UBE2E2: variants seen among roughly 807,000 people sequenced by gnomAD.
UBE2E2 encodes the protein ubiquitin conjugating enzyme E2 E2, also known as ubiquitin-conjugating enzyme E2 E2.
Under a neutral mutation model 24.7 loss-of-function variants are expected in UBE2E2, and 6 were observed. The observed-to-expected ratio is 0.24, with a 90% CI of 0.13 to 0.48. The LOEUF is 0.48. Among genes scored for constraint, UBE2E2 ranks in the 20% least tolerant of loss-of-function variants. The probability of loss-of-function intolerance (pLI) is 0.99; values close to 1 mark genes in which losing one functional copy is unlikely to be tolerated. For missense variants in UBE2E2, 169 were observed against 245.0 expected (o/e 0.69, Z 2.07); for synonymous variants, 104 against 83.6 (o/e 1.24, Z -1.33).
chr3:23,536,309 C>G (rs78830134), intron 5 of UBE2E2, among the ~76,000 whole-genome samples: 4,460 of 152,226 alleles, frequency 0.029, 231 homozygotes, highest in African/African-American at 0.1. Context: ...ATTAGAAGAT[C>G]AACAGTTTTC....
chr3:23,575,421 G>A (rs949437341), intron 5 of UBE2E2, among the ~76,000 whole-genome samples: 2 of 152,108 alleles, frequency 1.3e-5, no homozygotes, highest in African/African-American at 4.8e-5. Flanking sequence ...CGAGTACTGA[G>A]GCCAAAGCTT....
intron 3 of UBE2E2, among the ~76,000 whole-genome samples, chr3:23,256,589 G>T (rs532210744): frequency 6.6e-6 from 1 of 152,184 alleles, no homozygotes; most frequent in Admixed American, 6.5e-5. Context: ...TGAGGTTATG[G>T]TTAATTTCTT....
chr3:23,315,387 T>C (rs1694545113), intron 3 of UBE2E2, among the ~76,000 whole-genome samples: 1 of 152,130 alleles, frequency 6.6e-6, no homozygotes, highest in African/African-American at 2.4e-5. Context: ...TTGCTTTTGC[T>C]TGATGAATTC....
At position 23,490,265 on chromosome 3, in the gene UBE2E2, A is replaced by C. The variant is rs191343137; in HGVS notation, c.228-9343A>C. On this transcript the variant is annotated intron_variant, in intron 3 of 5. Transcript: ENST00000396703. ...ACATGTTGAACATCTGAAATTTGAA[A>C]ATTTTAAATCTGAAAAACTTCTGGT... Among the ~76,000 whole-genome samples the C allele has an allele frequency of 2.7e-4, 41 of 152,302 alleles. 1 individual carries two copies. In the East Asian group the frequency reaches 7.3e-3, roughly 27 times the overall value.
chr3:23,214,524 T>C (rs1696421077), intron 2 of UBE2E2, among the ~76,000 whole-genome samples: 1 of 152,044 alleles, frequency 6.6e-6, no homozygotes, highest in Non-Finnish European at 1.5e-5. Flanking sequence ...GCTCAGGGAT[T>C]ACAGCCATAG....
chr3:23,247,909 C>T (rs1559455054), intron 3 of UBE2E2, among the ~76,000 whole-genome samples: 1 of 152,168 alleles, frequency 6.6e-6, no homozygotes, highest in Non-Finnish European at 1.5e-5. Context: ...GATAGCAACT[C>T]TAAAGACTGA....
At chr3:23,485,927 T>C (rs1265274981) in intron 3 of UBE2E2, among the ~76,000 whole-genome samples, 2 of 152,194 alleles carry the variant, frequency 1.3e-5, no homozygotes, top group African/African-American at 4.8e-5. Context: ...AGGTGAGCCC[T>C]ACTAGTTTCT....
intron 3 of UBE2E2, among the ~76,000 whole-genome samples, chr3:23,452,610 C>G (rs1698590490): frequency 6.6e-6 from 1 of 152,082 alleles, no homozygotes; most frequent in Admixed American, 6.6e-5. Flanking sequence ...TAGTTATAAT[C>G]TTTATTAGGC....
intron 3 of UBE2E2, among the ~76,000 whole-genome samples, chr3:23,270,141 C>A (rs931185670): frequency 7.7e-6 from 1 of 130,456 alleles, no homozygotes; most frequent in African/African-American, 3.0e-5. Flanking sequence ...ACTCTTTCCA[C>A]CCCCCTCCTC....
chr3:23,257,887 T>A (rs1298351035), intron 3 of UBE2E2, among the ~76,000 whole-genome samples: 1 of 152,090 alleles, frequency 6.6e-6, no homozygotes, highest in East Asian at 1.9e-4. Flanking sequence ...GTGTAATTCC[T>A]TATTTTCTGT....
chr3:23,581,969 A>G (rs1696487511), intron 5 of UBE2E2, among the ~76,000 whole-genome samples: 1 of 152,104 alleles, frequency 6.6e-6, no homozygotes, highest in Non-Finnish European at 1.5e-5. Flanking sequence ...ATATAGGTCA[A>G]TTGCATGTCA....
intron 1 of UBE2E2, among the ~76,000 whole-genome samples, chr3:23,208,303 G>A (rs958576535): frequency 6.6e-6 from 1 of 152,068 alleles, no homozygotes; most frequent in African/African-American, 2.4e-5. Context: ...TTACCAGAAT[G>A]TTTCAAGGTT....
intron 3 of UBE2E2, among the ~76,000 whole-genome samples, chr3:23,379,895 G>T (rs1397779081): frequency 6.6e-6 from 1 of 152,042 alleles, no homozygotes; most frequent in East Asian, 1.9e-4. Flanking sequence ...CCTGTGCAGT[G>T]GGAGCTTAGT....
chr3:23,535,393 G>A (rs762248680), intron 5 of UBE2E2, among the ~76,000 whole-genome samples: 4 of 152,076 alleles, frequency 2.6e-5, no homozygotes, highest in South Asian at 2.1e-4. Context: ...AGTATCTAAC[G>A]CCGTCACCTC....
At chr3:23,495,563 C>G (rs1699582191) in intron 3 of UBE2E2, among the ~76,000 whole-genome samples, 1 of 152,186 alleles carries the variant, frequency 6.6e-6, no homozygotes, top group South Asian at 2.1e-4. Context: ...ATTTATTCAT[C>G]TACCTTGAAG....
chr3:23,460,301 A>T (rs1243675290), intron 3 of UBE2E2, among the ~76,000 whole-genome samples: 1 of 152,158 alleles, frequency 6.6e-6, no homozygotes, highest in African/African-American at 2.4e-5. Context: ...AATCACAACT[A>T]CCTTAAGTGA....
chr3:23,463,088 T>C (rs1407007185), intron 3 of UBE2E2, among the ~76,000 whole-genome samples: 1 of 152,048 alleles, frequency 6.6e-6, no homozygotes, highest in Non-Finnish European at 1.5e-5. Context: ...TAAAAGGAGA[T>C]CAGTAAATGT....
intron 3 of UBE2E2, among the ~76,000 whole-genome samples, chr3:23,331,197 A>G (rs1695049861): frequency 6.6e-6 from 1 of 152,200 alleles, no homozygotes; most frequent in Non-Finnish European, 1.5e-5. Flanking sequence ...TTTAAAATGT[A>G]GAAAATGGAA....
At chr3:23,545,385 C>G (rs1695497910) in intron 5 of UBE2E2, among the ~76,000 whole-genome samples, 1 of 152,184 alleles carries the variant, frequency 6.6e-6, no homozygotes, top group Non-Finnish European at 1.5e-5. Flanking sequence ...GGTGATGACT[C>G]TTAAGGAGCA....
Sources: allele counts gnomAD v4.1 joint callset (sites outside exome capture counted in the v4.1 genomes callset), GRCh38; gene constraint gnomAD v4.1.1; transcripts MANE v1.5; gene names NCBI Gene and HGNC (gene_info 2026-07-23, HGNC 2026-07-21).